The following VPS13C variants were observed in gnomAD, a reference collection of about 807,000 sequenced individuals.
The protein encoded by VPS13C is vacuolar protein sorting 13 homolog C.
In VPS13C, 358 loss-of-function variants were observed where a neutral mutation model predicts 456.8. The ratio of observed to expected loss-of-function variants is 0.78; its 90% CI spans 0.72 to 0.86. VPS13C has a LOEUF of 0.86. VPS13C is among the 40% of genes least tolerant of loss of function. The pLI is 0.00. For synonymous variants in VPS13C, 1,578 were observed against 1,486.7 expected (o/e 1.06, Z -1.41); for missense variants, 4,818 against 4,385.4 (o/e 1.10, Z -2.79).
intron 76 of VPS13C, among the ~76,000 whole-genome samples, chr15:61,875,426 T>C (rs552573606): frequency 8.5e-5 from 13 of 152,134 alleles, no homozygotes; most frequent in African/African-American, 2.9e-4. Flanking sequence ...AACTTTGCTT[T>C]CAGTGCCCTA....
At chr15:61,905,255 G>T (rs539316659) in intron 66 of VPS13C, among the ~76,000 whole-genome samples, 6 of 152,086 alleles carry the variant, frequency 3.9e-5, no homozygotes, top group African/African-American at 1.4e-4. Context: ...CAACTATTAT[G>T]TATGAATTTT....
chr15:61,885,643 T>G (rs533544877), intron 67 of VPS13C, among the ~76,000 whole-genome samples: 6 of 152,258 alleles, frequency 3.9e-5, no homozygotes, highest in Admixed American at 1.3e-4. Flanking sequence ...ACTGAAATAT[T>G]TTCCACTAAG....
rs962926205 is a variant in VPS13C at position 61,942,156 on chromosome 15, A to T, written c.5149-89T>A. On this transcript the variant is annotated intron_variant, in intron 45 of 84. Transcript: ENST00000644861. ...AAAGCATTTACTTTAAAAACTAAAT[A>T]AAAAAGTAATATAAAAGATGTTATT... 3 of 1,170,880 alleles carry T rather than the reference A, an allele frequency of 2.6e-6. 1 individual carries two copies. The Admixed American group carries it at 7.8e-5, about 30-fold the overall frequency. The allele number at this position is 1,170,880 out of a possible 1,614,324, so 72.5% of individuals were successfully genotyped here.
chr15:61,939,420 T>G (rs1292593267), intron 47 of VPS13C, among the ~76,000 whole-genome samples: 2 of 152,238 alleles, frequency 1.3e-5, no homozygotes, highest in Admixed American at 1.3e-4. Context: ...GCTTCAATTT[T>G]AACTTCTTCC....
chr15:61,904,256 T>C (rs1458116482), intron 66 of VPS13C, among the ~76,000 whole-genome samples: 1 of 150,864 alleles, frequency 6.6e-6, no homozygotes, highest in Non-Finnish European at 1.5e-5. Flanking sequence ...CCAGAAAATA[T>C]AAGGAACTCA....
At chr15:62,054,940 T>C (rs772457096) in intron 1 of VPS13C, among the ~76,000 whole-genome samples, 1 of 152,198 alleles carries the variant, frequency 6.6e-6, no homozygotes, top group African/African-American at 2.4e-5. Flanking sequence ...AAGTTGTATA[T>C]CCACTTTACA....
intron 51 of VPS13C, among the ~76,000 whole-genome samples, chr15:61,928,556 A>C (rs566225477): frequency 6.6e-6 from 1 of 152,342 alleles, no homozygotes; most frequent in African/African-American, 2.4e-5. Flanking sequence ...TTAGAGAGAA[A>C]AATATCTGAC....
At chr15:61,938,845 AAAGACACCAG>A in intron 47 of VPS13C, among the ~76,000 whole-genome samples, 1 of 152,148 alleles carries the variant, frequency 6.6e-6, no homozygotes, top group Admixed American at 6.5e-5. Context: ...GCCCTTAGAG[AAAGACACCAG>A]CCTAATTTAG....
intron 81 of VPS13C, chr15:61,865,724 GTGTT>G (rs1479960774): frequency 1.5e-5 from 7 of 467,148 alleles, no homozygotes; most frequent in African/African-American, 6.4e-5. Flanking sequence ...GTGTATATAT[GTGTT>G]TGTGTGTATG....
At chr15:61,873,210 G>A in intron 78 of VPS13C, 36 bp downstream of exon 78, 1 of 1,607,372 alleles carries the variant, frequency 6.2e-7, no homozygotes, top group African/African-American at 1.3e-5. Context: ...TTTTTTTTAA[G>A]TTGCAGATTT....
At chr15:62,034,105 C>CTATAGTATTGACTAGTATT (rs1179237966) in intron 4 of VPS13C, among the ~76,000 whole-genome samples, 1 of 151,452 alleles carries the variant, frequency 6.6e-6, no homozygotes, top group Non-Finnish European at 1.5e-5. Context: ...ATAGTACTGA[C>CTATAGTATTGACTAGTATT]TATAGTATTG....
chr15:61,929,803 TGAA>T, intron 50 of VPS13C, 55 bp from the exon 51 acceptor site: 1 of 1,502,516 alleles, frequency 6.7e-7, no homozygotes. Context: ...ATAAAAAAGA[TGAA>T]GAATTTCCTA....
chr15:61,947,072 T>C (rs2044630309), intron 43 of VPS13C, 121 bp downstream of exon 43: 1 of 627,470 alleles, frequency 1.6e-6, no homozygotes, highest in Non-Finnish European at 2.7e-6. Flanking sequence ...TTGAAAAGTT[T>C]GCAAAGTCTT....
chr15:61,960,498 G>C (rs1019316699), intron 35 of VPS13C, among the ~76,000 whole-genome samples: 2 of 152,028 alleles, frequency 1.3e-5, no homozygotes, highest in Admixed American at 6.6e-5. Context: ...GTATTACATC[G>C]ATATTAAATT....
intron 6 of VPS13C, 140 bp downstream of exon 6, chr15:62,028,218 G>A: frequency 1.3e-6 from 1 of 745,972 alleles, no homozygotes. Flanking sequence ...AAAAGGAAAT[G>A]ATGGTAGAGG....
intron 16 of VPS13C, 144 bp downstream of exon 16, chr15:62,000,420 T>C: frequency 1.4e-6 from 1 of 716,664 alleles, no homozygotes; most frequent in Non-Finnish European, 2.2e-6. Context: ...TAGTGGCTTT[T>C]TTTCAGTACT....
chr15:61,972,756 C>A lies in VPS13C; in HGVS notation c.2626G>T (p.Asp876Tyr), dbSNP rs777378094. Reference protein sequence around the residue: ...LLDTVESESDDEYFDAEDGEP... With the variant: ...LLDTVESESDYEYFDAEDGEP... ...CCATCTTCAGCATCAAAATACTCATCATCAGACTCTAAAGGAAAAAGACAT... is the reference window on the plus strand; with the variant it reads ...CCATCTTCAGCATCAAAATACTCATAATCAGACTCTAAAGGAAAAAGACAT... Residue 876 changes from aspartate to tyrosine, a missense_variant, in exon 27 of 85, where the codon GAT becomes TAT. Coordinates refer to ENST00000644861, the MANE Select transcript of VPS13C (RefSeq NM_020821.3). 3 of 1,609,924 alleles carry A rather than the reference C, an allele frequency of 1.9e-6. No homozygotes were observed. The Admixed American group carries it at 5.0e-5, about 27-fold the overall frequency.
chr15:61,981,109 G>A (rs1434960869), intron 22 of VPS13C, among the ~76,000 whole-genome samples: 1 of 152,164 alleles, frequency 6.6e-6, no homozygotes, highest in African/African-American at 2.4e-5. Flanking sequence ...AAAGGCAGAT[G>A]TAATCCAGTC....
intron 55 of VPS13C, 65 bp from the exon 56 acceptor site, chr15:61,920,712 G>A (rs951250498): frequency 2.1e-6 from 3 of 1,453,004 alleles, no homozygotes; most frequent in Non-Finnish European, 2.8e-6. Context: ...TAAAAATGCT[G>A]GAGTTCAGTT....
Sources: allele counts gnomAD v4.1 joint callset (sites outside exome capture counted in the v4.1 genomes callset), GRCh38; gene constraint gnomAD v4.1.1; transcripts MANE v1.5; gene names NCBI Gene and HGNC (gene_info 2026-07-23, HGNC 2026-07-21).